Variants in SNX29 observed in about 807,000 individuals in gnomAD.
SNX29 encodes sorting nexin 29.
A neutral mutation model predicts 102.1 loss-of-function variants in SNX29; 78 were observed. The ratio of observed to expected loss-of-function variants is 0.76; its 90% CI spans 0.64 to 0.92. SNX29 has a LOEUF of 0.92. Ranked by LOEUF, SNX29 falls within the 40% of genes least tolerant of loss-of-function variation. The probability of loss-of-function intolerance (pLI) is 0.00; values close to 1 mark genes in which losing one functional copy is unlikely to be tolerated. For missense variants in SNX29, 1,280 were observed against 1,061.7 expected (o/e 1.21, Z -2.86); for synonymous variants, 580 against 414.5 (o/e 1.40, Z -4.85).
intron 15 of SNX29, among the ~76,000 whole-genome samples, chr16:12,299,634 C>A (rs1016193540): frequency 1.3e-5 from 2 of 152,116 alleles, no homozygotes; most frequent in African/African-American, 4.8e-5. Context: ...GCTATTGTTT[C>A]TAGGCCTTTT....
chr16:12,043,500 G>A (rs900939690), intron 5 of SNX29, among the ~76,000 whole-genome samples: 8 of 151,856 alleles, frequency 5.3e-5, no homozygotes, highest in East Asian at 1.9e-4. Context: ...GACCCTAAGC[G>A]TACGCCACCA....
At chr16:12,469,853 A>G (rs35062095) in intron 18 of SNX29, among the ~76,000 whole-genome samples, 34,921 of 152,044 alleles carry the variant, frequency 0.23, 5,007 homozygotes, top group South Asian at 0.38. Context: ...TCTACTAACA[A>G]TACAAAATTA....
intron 20 of SNX29, among the ~76,000 whole-genome samples, chr16:12,529,682 C>T (rs1780045539): frequency 6.6e-6 from 1 of 152,048 alleles, no homozygotes; most frequent in Non-Finnish European, 1.5e-5. Flanking sequence ...CGCCGCCGCC[C>T]CCATTTGCTG....
chr16:12,431,434 C>CTTCTT (rs779738786), intron 18 of SNX29, among the ~76,000 whole-genome samples: 5,442 of 136,530 alleles, frequency 0.04, 188 homozygotes, highest in African/African-American at 0.1. Context: ...TCTTCTTCTT[C>CTTCTT]TTTTTTTTTT....
chr16:12,388,287 G>A (rs897723890), intron 16 of SNX29, among the ~76,000 whole-genome samples: 3 of 152,202 alleles, frequency 2.0e-5, no homozygotes, highest in Non-Finnish European at 4.4e-5. Context: ...TAGCTTCTCT[G>A]AGCCTCTGTA....
At chr16:12,084,637 C>T (rs2052072221) in intron 11 of SNX29, among the ~76,000 whole-genome samples, 1 of 152,164 alleles carries the variant, frequency 6.6e-6, no homozygotes, top group Non-Finnish European at 1.5e-5. Context: ...TGCCTGGGCT[C>T]AGGTTCCAGC....
At chr16:12,364,356 G>A (rs1188081728) in intron 16 of SNX29, among the ~76,000 whole-genome samples, 3 of 151,726 alleles carry the variant, frequency 2.0e-5, no homozygotes, top group Non-Finnish European at 4.4e-5. Context: ...ATCCTTTTAA[G>A]CTAAGACACT....
At chr16:12,352,800 C>T (rs965286512) in intron 15 of SNX29, among the ~76,000 whole-genome samples, 2 of 152,194 alleles carry the variant, frequency 1.3e-5, no homozygotes, top group African/African-American at 4.8e-5. Context: ...TGTATCTCCA[C>T]CTGGCATTTA....
intron 13 of SNX29, among the ~76,000 whole-genome samples, chr16:12,186,727 G>A (rs2076519844): frequency 6.6e-6 from 1 of 151,832 alleles, no homozygotes; most frequent in South Asian, 2.1e-4. Flanking sequence ...TTTTTTTTCT[G>A]GGTCCCTCTT....
intron 17 of SNX29, 136 bp downstream of exon 17, chr16:12,398,637 C>G: frequency 1.0e-6 from 1 of 969,094 alleles, no homozygotes; most frequent in East Asian, 2.4e-5. Context: ...TCTTGTAGAG[C>G]TGGTAGGAGT....
At chr16:12,036,950 A>G (rs1744725943) in intron 4 of SNX29, among the ~76,000 whole-genome samples, 1 of 152,154 alleles carries the variant, frequency 6.6e-6, no homozygotes, top group African/African-American at 2.4e-5. Context: ...AGCTGGATTA[A>G]GGGGGTCTGC....
chr16:12,107,338 GT>G (rs34594204), intron 11 of SNX29, among the ~76,000 whole-genome samples: 4,278 of 137,214 alleles, frequency 0.031, 103 homozygotes, highest in East Asian at 0.17. Context: ...AGCACTGTGG[GT>G]TTTTTTTTTT....
chr16:12,572,231 C>T lies in SNX29; in HGVS notation c.*3602C>T, dbSNP rs770674364. On this transcript the variant is annotated 3_prime_UTR_variant, in exon 21 of 21. Coordinates refer to ENST00000566228, the MANE Select transcript of SNX29 (RefSeq NM_032167.5). ...TTAAAAACCAGAGGCTCCTGAAAGT[C>T]GTTTACACCAGGTGGATTGATACCA... The T allele has an allele frequency of 1.6e-5, 16 of 1,023,030 alleles. No homozygotes were observed. The highest frequency in any genetic ancestry group is 1.5e-4 in the African/African-American group (9 of 60,090). 63.4% of individuals were successfully genotyped at this position (1,023,030 alleles called of 1,614,324 possible).
At chr16:12,438,081 T>G (rs544788833) in intron 18 of SNX29, among the ~76,000 whole-genome samples, 8 of 151,970 alleles carry the variant, frequency 5.3e-5, no homozygotes, top group African/African-American at 1.9e-4. Context: ...TGTTGACCTT[T>G]CCAAGCAGCC....
At chr16:12,403,670 C>A in intron 18 of SNX29, 141 bp downstream of exon 18, 2 of 799,428 alleles carry the variant, frequency 2.5e-6, no homozygotes, top group Non-Finnish European at 4.0e-6. Flanking sequence ...TCTTAACTGC[C>A]CAGAGGCCTT....
At chr16:12,165,538 A>C (rs944772705) in intron 13 of SNX29, among the ~76,000 whole-genome samples, 1 of 152,192 alleles carries the variant, frequency 6.6e-6, no homozygotes, top group Non-Finnish European at 1.5e-5. Context: ...TTACCATTCA[A>C]ATATTAAATA....
chr16:12,563,120 G>T (rs1454243772), intron 20 of SNX29, among the ~76,000 whole-genome samples: 4 of 152,240 alleles, frequency 2.6e-5, no homozygotes, highest in Admixed American at 1.3e-4. Flanking sequence ...CAGAGCCTAG[G>T]AAAGGTCGCC....
chr16:12,231,607 G>T (rs948346275), intron 14 of SNX29, among the ~76,000 whole-genome samples: 2 of 152,134 alleles, frequency 1.3e-5, no homozygotes, highest in African/African-American at 4.8e-5. Flanking sequence ...AATGCCTTTT[G>T]TGTACAGAAT....
intron 14 of SNX29, among the ~76,000 whole-genome samples, chr16:12,242,686 C>A (rs962009915): frequency 2.0e-5 from 3 of 149,164 alleles, no homozygotes; most frequent in African/African-American, 7.5e-5. Context: ...CAGGGTCTTA[C>A]TGTGTCACCC....
Sources: allele counts gnomAD v4.1 joint callset (sites outside exome capture counted in the v4.1 genomes callset), GRCh38; gene constraint gnomAD v4.1.1; transcripts MANE v1.5; gene names NCBI Gene and HGNC (gene_info 2026-07-23, HGNC 2026-07-21).